DIP2C: variants seen among roughly 807,000 people sequenced by gnomAD.
The protein encoded by DIP2C is disco-interacting protein 2 homolog C.
In DIP2C, 33 loss-of-function variants were observed where a neutral mutation model predicts 192.4. That is an observed-to-expected ratio of 0.17 (90% CI 0.13 to 0.23). The LOEUF (loss-of-function observed/expected upper bound fraction) is 0.23. Ranked by LOEUF, DIP2C falls within the 10% of genes least tolerant of loss-of-function variation. The probability of loss-of-function intolerance (pLI) is 1.00; values close to 1 mark genes in which losing one functional copy is unlikely to be tolerated. For synonymous variants in DIP2C, 979 were observed against 864.1 expected (o/e 1.13, Z -2.33); for missense variants, 1,537 against 2,110.1 (o/e 0.73, Z 5.32).
chr10:572,081 C>T (rs1849853250), intron 1 of DIP2C, among the ~76,000 whole-genome samples: 1 of 152,246 alleles, frequency 6.6e-6, no homozygotes, highest in Non-Finnish European at 1.5e-5. Context: ...GGAGACCCTT[C>T]TCGGGATTGA....
In DIP2C at chr10:423,033, T is replaced by C. The variant is rs199767046; in HGVS notation, c.395A>G (p.Asp132Gly). 6.2e-7 allele frequency: 1 copy of C among 1,605,114 alleles called. No homozygotes were observed. Among genetic ancestry groups the C allele is most frequent in the East Asian group, 2.2e-5 (1 of 44,716 alleles). ...TTCATCTTCTGAGCCAGAAGAGGTA[T>C]CTGTGTAAGAAGAAAGGTGATTTGC... is the stretch of plus-strand genomic sequence containing the variant. Reference protein sequence around the residue: ...QTSMDAYTPPDTSSGSEDEGS... With the variant: ...QTSMDAYTPPGTSSGSEDEGS... The change falls in exon 5 of 37, where the codon GAT (aspartate) becomes GGT (glycine). Residue 132 changes from aspartate (D) to glycine (G), a missense_variant and splice_region_variant. Physicochemically the swap from Asp to Gly is moderately conservative, Grantham distance 94 (BLOSUM62 -1). Coordinates refer to ENST00000280886, the MANE Select transcript of DIP2C (RefSeq NM_014974.3).
intron 2 of DIP2C, chr10:484,913 G>A (rs1354962600): frequency 6.2e-7 from 1 of 1,611,646 alleles, no homozygotes; most frequent in South Asian, 1.1e-5. Context: ...TCACTGTGCT[G>A]CAGTCTACAC....
intron 31 of DIP2C, among the ~76,000 whole-genome samples, chr10:319,309 T>A (rs1461253968): frequency 6.6e-6 from 1 of 152,244 alleles, no homozygotes; most frequent in Non-Finnish European, 1.5e-5. Flanking sequence ...ACTGCAATAG[T>A]TACTGTTGAT....
intron 1 of DIP2C, among the ~76,000 whole-genome samples, chr10:625,101 T>A (rs1427237085): frequency 6.6e-6 from 1 of 152,134 alleles, no homozygotes; most frequent in East Asian, 1.9e-4. Context: ...ATATTAACGA[T>A]GACAATCAAC....
At chr10:329,781 C>T (rs1280755233) in intron 29 of DIP2C, among the ~76,000 whole-genome samples, 180 bp from the exon 30 acceptor site, 1 of 152,200 alleles carries the variant, frequency 6.6e-6, no homozygotes, top group African/African-American at 2.4e-5. Flanking sequence ...TTCACGAAAG[C>T]CTTCTGAAAA....
At chr10:338,566 C>T (rs1051306088) in intron 29 of DIP2C, among the ~76,000 whole-genome samples, 4 of 152,178 alleles carry the variant, frequency 2.6e-5, no homozygotes, top group Admixed American at 2.0e-4. Context: ...CACAGGACTG[C>T]GGACTGGGTG....
chr10:552,228 T>G (rs1201295992), intron 1 of DIP2C, among the ~76,000 whole-genome samples: 1 of 152,228 alleles, frequency 6.6e-6, no homozygotes, highest in Non-Finnish European at 1.5e-5. Context: ...AAGGAAAGCA[T>G]CGTGAAGTTC....
intron 1 of DIP2C, among the ~76,000 whole-genome samples, chr10:534,016 A>G (rs1189459519): frequency 4.1e-5 from 6 of 147,860 alleles, no homozygotes; most frequent in Non-Finnish European, 6.0e-5. Context: ...AAAAAAAAAG[A>G]GGAACGTTCT....
intron 17 of DIP2C, among the ~76,000 whole-genome samples, chr10:381,822 C>T (rs959589902): frequency 6.6e-6 from 1 of 152,198 alleles, no homozygotes; most frequent in African/African-American, 2.4e-5. Flanking sequence ...TCTTCCCCAC[C>T]ACTGGGAGTA....
intron 34 of DIP2C, among the ~76,000 whole-genome samples, chr10:285,817 G>A (rs1955090305): frequency 6.6e-6 from 1 of 152,252 alleles, no homozygotes; most frequent in African/African-American, 2.4e-5. Flanking sequence ...AAGGTGTCAA[G>A]TTCCACTGTT....
chr10:446,976 G>A (rs1968277821), intron 3 of DIP2C, among the ~76,000 whole-genome samples: 1 of 152,192 alleles, frequency 6.6e-6, no homozygotes, highest in Non-Finnish European at 1.5e-5. Context: ...CATATTTTGG[G>A]TTTGATGTAG....
chr10:369,771 A>C, intron 17 of DIP2C, 138 bp from the exon 18 acceptor site: 1 of 1,453,220 alleles, frequency 6.9e-7, no homozygotes. Context: ...CTGGCTGCCC[A>C]TGTGGCTGCA....
At chr10:635,895 C>T (rs1450731712) in intron 1 of DIP2C, among the ~76,000 whole-genome samples, 3 of 152,198 alleles carry the variant, frequency 2.0e-5, no homozygotes, top group East Asian at 3.9e-4. Flanking sequence ...ACGGGGTCCT[C>T]GGTGGTGACA....
intron 4 of DIP2C, among the ~76,000 whole-genome samples, chr10:433,956 TATC>T (rs1025760449): frequency 2.0e-5 from 3 of 152,152 alleles, no homozygotes; most frequent in African/African-American, 4.8e-5. Flanking sequence ...TTTCCTTTCT[TATC>T]ATATCAGTTA....
chr10:445,581 AAG>A (rs961248135), intron 3 of DIP2C, among the ~76,000 whole-genome samples: 31 of 151,548 alleles, frequency 2.0e-4, no homozygotes, highest in Admixed American at 5.2e-4. Flanking sequence ...ATCTGTTGTG[AAG>A]AGTCTCATGG....
intron 3 of DIP2C, among the ~76,000 whole-genome samples, chr10:461,414 C>T (rs1340342245): frequency 6.6e-6 from 1 of 152,066 alleles, no homozygotes; most frequent in Non-Finnish European, 1.5e-5. Flanking sequence ...TACTTTAAAC[C>T]AACAAAGATC....
At chr10:493,732 C>T (rs1459104762) in intron 1 of DIP2C, among the ~76,000 whole-genome samples, 2 of 152,324 alleles carry the variant, frequency 1.3e-5, no homozygotes, top group Middle Eastern at 3.4e-3. Context: ...AGGATGGAGG[C>T]CGATTATCCA....
chr10:591,216 C>T (rs949345983), intron 1 of DIP2C, among the ~76,000 whole-genome samples: 47 of 152,104 alleles, frequency 3.1e-4, no homozygotes, highest in African/African-American at 1.1e-3. Flanking sequence ...TCTGCACCTT[C>T]CCGGTACAAG....
chr10:311,695 GGGA>G (rs1328193026), intron 31 of DIP2C: 2 of 681,352 alleles, frequency 2.9e-6, no homozygotes, highest in Non-Finnish European at 4.1e-6. Flanking sequence ...GGGAGGGGTG[GGGA>G]GGAGAATGCG....
Sources: gnomAD v4.1 joint callset for allele counts (sites outside exome capture counted in the v4.1 genomes callset) on GRCh38, gnomAD v4.1.1 for gene constraint, MANE v1.5 for transcripts, NCBI Gene and HGNC (gene_info 2026-07-23, HGNC 2026-07-21) for gene names.